REV1: variants seen among roughly 807,000 people sequenced by gnomAD.
REV1 encodes REV1 DNA directed polymerase.
A neutral mutation model predicts 137.4 loss-of-function variants in REV1; 42 were observed. The observed-to-expected ratio is 0.31, with a 90% CI of 0.24 to 0.40. The LOEUF (loss-of-function observed/expected upper bound fraction) is 0.40, where lower values mean the gene tolerates loss of function less well. REV1 is among the 10% of genes least tolerant of loss of function. The pLI is 1.00. For synonymous variants in REV1, 524 were observed against 519.2 expected, an observed-to-expected ratio of 1.01 and a Z score of -0.12; for missense variants, 1,282 against 1,490.1, an observed-to-expected ratio of 0.86 and a Z score of 2.30.
intron 9 of REV1, chr2:99,424,981 C>A: frequency 1.0e-6 from 1 of 997,232 alleles, no homozygotes; most frequent in Non-Finnish European, 1.3e-6. Flanking sequence ...CACCACAAAA[C>A]TATAATTATG....
intron 9 of REV1, among the ~76,000 whole-genome samples, chr2:99,425,589 T>C (rs757342869): frequency 5.3e-5 from 8 of 152,106 alleles, no homozygotes; most frequent in Non-Finnish European, 1.0e-4. Context: ...TAGACATATA[T>C]GTAGAAACAT....
chr2:99,432,781 C>A (rs868284993), intron 8 of REV1, among the ~76,000 whole-genome samples: 70 of 152,112 alleles, frequency 4.6e-4, no homozygotes, highest in African/African-American at 1.5e-3. Context: ...TATAGAAGGT[C>A]ATTAAAATGT....
intron 4 of REV1, among the ~76,000 whole-genome samples, chr2:99,444,934 C>T (rs1426558541): frequency 6.6e-6 from 1 of 152,156 alleles, no homozygotes; most frequent in African/African-American, 2.4e-5. Context: ...AAAAATCCAT[C>T]TTTATCCAAA....
At chr2:99,421,396 A>G in intron 11 of REV1, 103 bp downstream of exon 11, 1 of 1,121,898 alleles carries the variant, frequency 8.9e-7, no homozygotes, top group Non-Finnish European at 1.3e-6. Context: ...AAACGGTTTT[A>G]CAAGTGAGAG....
At chr2:99,413,951 T>C (rs1677514455) in intron 12 of REV1, among the ~76,000 whole-genome samples, 1 of 152,160 alleles carries the variant, frequency 6.6e-6, no homozygotes, top group Non-Finnish European at 1.5e-5. Flanking sequence ...CAGTCTGAGT[T>C]TGAGGACAAC....
chr2:99,486,962 G>C (rs1266069382), intron 1 of REV1, among the ~76,000 whole-genome samples: 1 of 151,868 alleles, frequency 6.6e-6, no homozygotes, highest in East Asian at 1.9e-4. Context: ...ATGCTATGGA[G>C]AAAAAGAGAA....
chr2:99,425,753 A>G (rs1412293742), intron 9 of REV1, among the ~76,000 whole-genome samples: 1 of 152,240 alleles, frequency 6.6e-6, no homozygotes, highest in Non-Finnish European at 1.5e-5. Context: ...ATGTGTTTAT[A>G]AGGCCGGGCA....
chr2:99,431,200 C>T (rs10496337), intron 8 of REV1, among the ~76,000 whole-genome samples: 23,238 of 152,084 alleles, frequency 0.15, 2,156 homozygotes, highest in African/African-American at 0.24. Flanking sequence ...ATTTCGGCAA[C>T]CATATATACA....
Position 99,404,566 on chromosome 2 carries a change from T to TTAC in REV1, c.2920_2922dup (p.Val974dup), listed in dbSNP as rs1559278943. 1.2e-6 allele frequency: 2 copies of TTAC among 1,614,146 alleles called. No individual in the cohort carries two copies. Among genetic ancestry groups the TTAC allele is most frequent in the Non-Finnish European group, 1.7e-6 (2 of 1,180,000 alleles). ...GGCAAAATTCCTGTATTACAGCCAT[T>TTAC]TACTGGTTCTTTCTTTTTGTCGCCA... On this transcript the variant is annotated inframe_insertion, in exon 18 of 23. Transcript: ENST00000258428.
intron 3 of REV1, among the ~76,000 whole-genome samples, chr2:99,461,054 G>A (rs1228540426): frequency 1.3e-5 from 2 of 152,084 alleles, no homozygotes; most frequent in Non-Finnish European, 1.5e-5. Context: ...TTTTCATAGA[G>A]CATCTCAGGA....
At chr2:99,414,022 G>A (rs1173301649) in intron 12 of REV1, among the ~76,000 whole-genome samples, 1 of 152,192 alleles carries the variant, frequency 6.6e-6, no homozygotes, top group Non-Finnish European at 1.5e-5. Context: ...GGGTGTGGTG[G>A]TGCGCTCCTG....
At chr2:99,446,574 A>C (rs1398023445) in intron 4 of REV1, among the ~76,000 whole-genome samples, 1 of 151,824 alleles carries the variant, frequency 6.6e-6, no homozygotes, top group Non-Finnish European at 1.5e-5. Context: ...GGCTCACTGC[A>C]ACCTCCACCT....
At chr2:99,483,017 CA>C (rs540388372) in intron 1 of REV1, among the ~76,000 whole-genome samples, 29,150 of 104,760 alleles carry the variant, frequency 0.28, 3,021 homozygotes, top group Admixed American at 0.39. Flanking sequence ...AACTCCGTTT[CA>C]AAAAAAAAAA....
At position 99,484,692 on chromosome 2, in the gene REV1, TA is replaced by T. The variant is rs145830579; in HGVS notation, c.-11+5124del. Reference sequence around the variant, plus strand: ...TAAGTATAGTAGTAGTAGTTAAATCTAAAAAAAAAACAAAAAATTAGCCATA... The same window carrying T: ...TAAGTATAGTAGTAGTAGTTAAATCTAAAAAAAAACAAAAAATTAGCCATA... On this transcript the variant is annotated intron_variant, in intron 1 of 22. Transcript: ENST00000258428. Among the ~76,000 whole-genome samples, 804 of 146,112 alleles carry T rather than the reference TA, an allele frequency of 5.5e-3. 12 individuals carry two copies. The highest frequency in any genetic ancestry group is 0.019 in the African/African-American group (749 of 39,934).
At chr2:99,457,509 C>T (rs12465846) in intron 3 of REV1, among the ~76,000 whole-genome samples, 65,436 of 151,894 alleles carry the variant, frequency 0.43, 14,342 homozygotes, top group Admixed American at 0.58. Flanking sequence ...TGGCGAAACC[C>T]CATCTCTACT....
chr2:99,466,090 C>T (rs1684769525), intron 1 of REV1, among the ~76,000 whole-genome samples: 1 of 149,712 alleles, frequency 6.7e-6, no homozygotes, highest in Non-Finnish European at 1.5e-5. Context: ...TACAGGTGCC[C>T]GCCACCACGC....
rs545823796 is a variant in REV1, at chr2:99,409,858, C to G, written c.2345+837G>C. On this transcript the variant is annotated intron_variant, in intron 14 of 22. Coordinates refer to ENST00000258428, the MANE Select transcript of REV1 (RefSeq NM_016316.4). ...ACTCTGTCTCAAAACAAACAACCCCCCCCCCCCCCAAAAAAAACAGCGTTT... is the reference window on the plus strand; with the variant it reads ...ACTCTGTCTCAAAACAAACAACCCCGCCCCCCCCCAAAAAAAACAGCGTTT... Among the ~76,000 whole-genome samples, 102 of 129,080 alleles carry G rather than the reference C, an allele frequency of 7.9e-4. 5 individuals are homozygous for G. In the South Asian group the frequency reaches 0.021, roughly 27 times the overall value. 84.7% of individuals were successfully genotyped at this position (129,080 alleles called of 152,430 possible).
intron 5 of REV1, among the ~76,000 whole-genome samples, chr2:99,440,837 T>C (rs1681398784): frequency 6.6e-6 from 1 of 152,202 alleles, no homozygotes; most frequent in South Asian, 2.1e-4. Flanking sequence ...TTTACATGCA[T>C]TATAGCAACA....
chr2:99,412,624 T>TA, intron 13 of REV1, 107 bp downstream of exon 13: 1 of 854,666 alleles, frequency 1.2e-6, no homozygotes, highest in Non-Finnish European at 1.9e-6. Flanking sequence ...ACAACAGTTT[T>TA]AAGACTTAAT....
Sources: gnomAD v4.1 joint callset for allele counts (sites outside exome capture counted in the v4.1 genomes callset) on GRCh38, gnomAD v4.1.1 for gene constraint, MANE v1.5 for transcripts, NCBI Gene and HGNC (gene_info 2026-07-23, HGNC 2026-07-21) for gene names.